Variants in DLG2 observed in about 807,000 individuals in gnomAD.
DLG2 encodes the protein discs large MAGUK scaffold protein 2.
In DLG2, 45 loss-of-function variants were observed where a neutral mutation model predicts 132.5. The ratio of observed to expected loss-of-function variants is 0.34; its 90% CI spans 0.27 to 0.44. DLG2 has a LOEUF of 0.44. DLG2 is among the 20% of genes least tolerant of loss of function. The pLI is 1.00. For synonymous variants in DLG2, 424 were observed against 419.6 expected, an observed-to-expected ratio of 1.01 and a Z score of -0.13; for missense variants, 1,045 against 1,196.9, an observed-to-expected ratio of 0.87 and a Z score of 1.87.
intron 6 of DLG2, among the ~76,000 whole-genome samples, chr11:84,644,567 G>A (rs924229082): frequency 2.0e-5 from 3 of 151,960 alleles, no homozygotes; most frequent in African/African-American, 7.3e-5. Context: ...TTAGCCGGGC[G>A]TGGTGGCGGG....
At chr11:85,604,903 G>T (rs1167052216) in intron 2 of DLG2, among the ~76,000 whole-genome samples, 4 of 152,090 alleles carry the variant, frequency 2.6e-5, no homozygotes, top group Non-Finnish European at 4.4e-5. Flanking sequence ...TGGCAATAGT[G>T]CTAACAAATG....
chr11:85,033,375 A>C (rs900274073), intron 6 of DLG2, among the ~76,000 whole-genome samples: 10 of 145,414 alleles, frequency 6.9e-5, no homozygotes, highest in Non-Finnish European at 1.5e-4. Flanking sequence ...ATTTCAAACA[A>C]TATATCCTAG....
intron 5 of DLG2, among the ~76,000 whole-genome samples, chr11:85,140,655 T>C (rs1293370218): frequency 4.0e-5 from 6 of 151,778 alleles, no homozygotes; most frequent in African/African-American, 1.4e-4. Flanking sequence ...TGTTGTGTTA[T>C]CAAATACTAG....
chr11:83,882,028 C>T (rs2066408991), intron 15 of DLG2, among the ~76,000 whole-genome samples: 1 of 151,888 alleles, frequency 6.6e-6, no homozygotes, highest in Non-Finnish European at 1.5e-5. Flanking sequence ...TTAATTCTTA[C>T]CTACATTTAA....
intron 9 of DLG2, among the ~76,000 whole-genome samples, chr11:84,159,623 G>GT (rs1453340238): frequency 6.6e-6 from 1 of 152,154 alleles, no homozygotes; most frequent in Non-Finnish European, 1.5e-5. Flanking sequence ...AGAAGGCCTT[G>GT]TATGTAATGA....
In DLG2 at chr11:84,022,509, G is replaced by A. The variant is rs1382595647; in HGVS notation, c.919+36806C>T. 2.0e-5 allele frequency among the ~76,000 whole-genome samples: 3 copies of A among 152,132 alleles called. 1 individual carries two copies. The highest frequency in any genetic ancestry group is 7.2e-5 in the African/African-American group (3 of 41,436). On this transcript the variant is annotated intron_variant, in intron 11 of 27. Transcript: ENST00000376104. ...CTTCTATAGAAACAAAAGCCTCACT[G>A]GGCCAGCCAAACAAAAGGACTCAGC...
At chr11:84,321,065 T>A (rs1409789413) in intron 7 of DLG2, among the ~76,000 whole-genome samples, 1 of 152,230 alleles carries the variant, frequency 6.6e-6, no homozygotes, top group African/African-American at 2.4e-5. Context: ...AGTGCTAAAC[T>A]ATACTTCTAC....
chr11:84,231,634 T>A (rs958381973), intron 8 of DLG2, among the ~76,000 whole-genome samples: 8 of 152,040 alleles, frequency 5.3e-5, no homozygotes, highest in African/African-American at 1.7e-4. Context: ...GTGAAAGGAA[T>A]GGAGGAAGAT....
At chr11:84,560,343 C>G (rs989820653) in intron 6 of DLG2, among the ~76,000 whole-genome samples, 1 of 152,008 alleles carries the variant, frequency 6.6e-6, no homozygotes. Context: ...TAACTCAGTC[C>G]CCATTAGGAG....
intron 14 of DLG2, among the ~76,000 whole-genome samples, chr11:83,932,873 A>G (rs1222631127): frequency 6.6e-6 from 1 of 152,144 alleles, no homozygotes; most frequent in Non-Finnish European, 1.5e-5. Context: ...GGCTTTAAGT[A>G]CTTAATTATA....
intron 18 of DLG2, among the ~76,000 whole-genome samples, chr11:83,722,262 T>C (rs995392344): frequency 6.6e-5 from 10 of 152,192 alleles, no homozygotes; most frequent in African/African-American, 2.4e-4. Context: ...GGTCTCCCAC[T>C]GCCATGCAAA....
At chr11:84,539,993 G>T (rs981121790) in intron 6 of DLG2, among the ~76,000 whole-genome samples, 1 of 152,162 alleles carries the variant, frequency 6.6e-6, no homozygotes, top group Non-Finnish European at 1.5e-5. Flanking sequence ...GCCATATATA[G>T]AAAGCTGAAA....
In DLG2 at chr11:84,356,307, C is replaced by T. The variant is rs534936541; in HGVS notation, c.520-105016G>A. On this transcript the variant is annotated intron_variant, in intron 7 of 27. Coordinates refer to ENST00000376104, the MANE Select transcript of DLG2 (RefSeq NM_001142699.3). ...CATTCACAAACATTTACTGAGTATCCACCATATGTGAGGCATTGTTCTAAG... is the reference window on the plus strand; with the variant it reads ...CATTCACAAACATTTACTGAGTATCTACCATATGTGAGGCATTGTTCTAAG... 2.0e-5 allele frequency among the ~76,000 whole-genome samples: 3 copies of T among 152,170 alleles called. No individual in the cohort carries two copies. The East Asian group carries it at 5.8e-4, about 29-fold the overall frequency.
chr11:85,338,716 T>A (rs2082288392), intron 3 of DLG2, among the ~76,000 whole-genome samples: 1 of 147,398 alleles, frequency 6.8e-6, no homozygotes, highest in South Asian at 2.2e-4. Context: ...TTTTTTTTTT[T>A]TTTTTTTGAG....
At chr11:85,615,021 A>T (rs951792195) in intron 2 of DLG2, among the ~76,000 whole-genome samples, 1 of 152,266 alleles carries the variant, frequency 6.6e-6, no homozygotes, top group Non-Finnish European at 1.5e-5. Flanking sequence ...TCCCTAAAAA[A>T]GAATTGTTTG....
chr11:85,307,268 A>G (rs545521282), intron 3 of DLG2, among the ~76,000 whole-genome samples: 56 of 152,364 alleles, frequency 3.7e-4, no homozygotes, highest in Non-Finnish European at 6.5e-4. Flanking sequence ...TTAAAAGTAC[A>G]TAAAACAGAA....
At chr11:84,505,172 G>A (rs2099235385) in intron 7 of DLG2, among the ~76,000 whole-genome samples, 1 of 152,008 alleles carries the variant, frequency 6.6e-6, no homozygotes, top group South Asian at 2.1e-4. Context: ...CAAACAATCA[G>A]TAGTTCTGTA....
At chr11:84,722,510 C>T (rs753201314) in intron 6 of DLG2, among the ~76,000 whole-genome samples, 1 of 152,054 alleles carries the variant, frequency 6.6e-6, no homozygotes, top group Non-Finnish European at 1.5e-5. Context: ...GTCCCTTCTC[C>T]CAAGTTAATA....
chr11:85,137,322 T>C (rs990133271), intron 5 of DLG2, among the ~76,000 whole-genome samples: 5 of 152,280 alleles, frequency 3.3e-5, no homozygotes, highest in African/African-American at 7.2e-5. Flanking sequence ...ATGGTCATAA[T>C]ACCCTTTAGG....
Sources: allele counts gnomAD v4.1 joint callset (sites outside exome capture counted in the v4.1 genomes callset), GRCh38; gene constraint gnomAD v4.1.1; transcripts MANE v1.5; gene names NCBI Gene and HGNC (gene_info 2026-07-23, HGNC 2026-07-21).